Variants in KLHL29 observed in about 807,000 individuals in gnomAD.
KLHL29 encodes kelch like family member 29.
In KLHL29, 21 loss-of-function variants were observed where a neutral mutation model predicts 80.4. The ratio of observed to expected loss-of-function variants is 0.26; its 90% CI spans 0.19 to 0.38. The LOEUF (loss-of-function observed/expected upper bound fraction) is 0.38, where lower values mean the gene tolerates loss of function less well. KLHL29 is among the 10% of genes least tolerant of loss of function. The pLI is 1.00. For missense variants in KLHL29, 867 were observed against 1,223.9 expected, an observed-to-expected ratio of 0.71 and a Z score of 4.35; for synonymous variants, 511 against 526.8, an observed-to-expected ratio of 0.97 and a Z score of 0.41.
intron 2 of KLHL29, among the ~76,000 whole-genome samples, chr2:23,519,249 C>T (rs1484130183): frequency 6.6e-6 from 1 of 152,194 alleles, no homozygotes; most frequent in Non-Finnish European, 1.5e-5. Flanking sequence ...GTCATCCACC[C>T]ATGACTTCTT....
chr2:23,511,251 G>A (rs1356973727), intron 2 of KLHL29, among the ~76,000 whole-genome samples: 1 of 152,308 alleles, frequency 6.6e-6, no homozygotes, highest in Admixed American at 6.5e-5. Context: ...CTCACCAGGT[G>A]ACTCCCAGTG....
intron 1 of KLHL29, among the ~76,000 whole-genome samples, chr2:23,447,358 C>T (rs966980195): frequency 6.6e-6 from 1 of 152,226 alleles, no homozygotes; most frequent in Non-Finnish European, 1.5e-5. Flanking sequence ...GAGGCCTTGA[C>T]TGCTTTGTTC....
intron 2 of KLHL29, among the ~76,000 whole-genome samples, chr2:23,559,319 T>C (rs1667381840): frequency 6.6e-6 from 1 of 152,088 alleles, no homozygotes; most frequent in Non-Finnish European, 1.5e-5. Flanking sequence ...GTTGGAACCT[T>C]ATATTGATGG....
intron 1 of KLHL29, among the ~76,000 whole-genome samples, chr2:23,394,070 A>G (rs1220781537): frequency 6.6e-6 from 1 of 152,226 alleles, no homozygotes; most frequent in Non-Finnish European, 1.5e-5. Context: ...GCATACGCCA[A>G]AGGCTTAGAT....
intron 3 of KLHL29, among the ~76,000 whole-genome samples, chr2:23,630,678 G>A (rs1669445805): frequency 6.6e-6 from 1 of 151,982 alleles, no homozygotes; most frequent in Non-Finnish European, 1.5e-5. Context: ...AGTAAAGATG[G>A]GGTTTCACCA....
At chr2:23,411,062 T>C (rs1442774067) in intron 1 of KLHL29, among the ~76,000 whole-genome samples, 4 of 152,196 alleles carry the variant, frequency 2.6e-5, no homozygotes, top group Non-Finnish European at 5.9e-5. Flanking sequence ...ATTCATGTAA[T>C]AAATGTTTAT....
intron 2 of KLHL29, among the ~76,000 whole-genome samples, chr2:23,481,456 T>G (rs1664795291): frequency 1.3e-5 from 2 of 152,276 alleles, no homozygotes; most frequent in African/African-American, 4.8e-5. Context: ...TGCTTTTCTC[T>G]GGCTGGGATC....
intron 1 of KLHL29, among the ~76,000 whole-genome samples, chr2:23,424,350 G>A (rs533284332): frequency 2.6e-5 from 4 of 152,296 alleles, no homozygotes; most frequent in East Asian, 1.9e-4. Flanking sequence ...CATGGCGAAC[G>A]GAAATCAGAC....
intron 3 of KLHL29, among the ~76,000 whole-genome samples, chr2:23,619,199 A>G (rs1419426920): frequency 6.6e-6 from 1 of 152,230 alleles, no homozygotes; most frequent in Non-Finnish European, 1.5e-5. Context: ...CATACATGAA[A>G]TGCTTTTAAG....
intron 2 of KLHL29, among the ~76,000 whole-genome samples, chr2:23,493,504 T>A (rs746610535): frequency 1.2e-4 from 19 of 152,222 alleles, no homozygotes; most frequent in Non-Finnish European, 2.2e-4. Context: ...TTTCTCAAGC[T>A]GTTTCATAAA....
chr2:23,605,426 G>A (rs1572432934), intron 3 of KLHL29, among the ~76,000 whole-genome samples: 1 of 151,990 alleles, frequency 6.6e-6, no homozygotes, highest in African/African-American at 2.4e-5. Context: ...CGACTTCCAC[G>A]CGGCTCTTGT....
chr2:23,390,801 G>GCCACC (rs1304089860), intron 1 of KLHL29, among the ~76,000 whole-genome samples: 4 of 151,910 alleles, frequency 2.6e-5, no homozygotes, highest in South Asian at 4.2e-4. Context: ...ACAGGCGCCT[G>GCCACC]CCACCACGCC....
At chr2:23,509,524 G>C (rs554127102) in intron 2 of KLHL29, among the ~76,000 whole-genome samples, 27 of 152,134 alleles carry the variant, frequency 1.8e-4, no homozygotes, top group Non-Finnish European at 2.5e-4. Context: ...AGTCAATAAG[G>C]GGGAGAAGAA....
chr2:23,619,636 G>GA (rs35469329), intron 3 of KLHL29, among the ~76,000 whole-genome samples: 53,690 of 152,012 alleles, frequency 0.35, 10,360 homozygotes, highest in East Asian at 0.63. Context: ...CCCCTTTGGT[G>GA]AAAAATCAAT....
intron 3 of KLHL29, among the ~76,000 whole-genome samples, chr2:23,623,236 C>T (rs1417445182): frequency 6.6e-6 from 1 of 152,168 alleles, no homozygotes; most frequent in Non-Finnish European, 1.5e-5. Flanking sequence ...TTCCAACGGA[C>T]CCGACTCATG....
intron 3 of KLHL29, among the ~76,000 whole-genome samples, chr2:23,606,971 A>C (rs1668743453): frequency 2.0e-5 from 3 of 152,240 alleles, no homozygotes; most frequent in Admixed American, 2.0e-4. Flanking sequence ...GGCCTGGCTC[A>C]TGGACAGCAC....
At chr2:23,556,568 G>A (rs1327573658) in intron 2 of KLHL29, among the ~76,000 whole-genome samples, 8 of 151,752 alleles carry the variant, frequency 5.3e-5, no homozygotes, top group African/African-American at 9.7e-5. Context: ...CAGGAGAATC[G>A]CTTGAACCTG....
At chr2:23,487,640 G>C (rs1432429565) in intron 2 of KLHL29, among the ~76,000 whole-genome samples, 1 of 151,912 alleles carries the variant, frequency 6.6e-6, no homozygotes, top group Non-Finnish European at 1.5e-5. Flanking sequence ...AAGGCTAGAA[G>C]GGGTCCTCAG....
intron 1 of KLHL29, among the ~76,000 whole-genome samples, chr2:23,459,155 C>G (rs1274090196): frequency 1.3e-5 from 2 of 152,182 alleles, no homozygotes; most frequent in South Asian, 2.1e-4. Flanking sequence ...ATGGTTACAT[C>G]TAGATATAAG....
Sources: allele counts gnomAD v4.1 joint callset (sites outside exome capture counted in the v4.1 genomes callset), GRCh38; gene constraint gnomAD v4.1.1; transcripts MANE v1.5; gene names NCBI Gene and HGNC (gene_info 2026-07-23, HGNC 2026-07-21).